The following RNF220 variants were observed in gnomAD, a reference collection of about 807,000 sequenced individuals.
The protein encoded by RNF220 is ring finger protein 220.
RNF220 carries 7 observed loss-of-function variants against 67.1 expected under a neutral mutation model. That is an observed-to-expected ratio of 0.10 (90% CI 0.06 to 0.20). The LOEUF (loss-of-function observed/expected upper bound fraction) is 0.20, where lower values mean the gene tolerates loss of function less well. Among genes scored for constraint, RNF220 ranks in the 10% least tolerant of loss-of-function variants. The pLI, the probability that RNF220 is intolerant of heterozygous loss-of-function variation, is 1.00. For synonymous variants in RNF220, 270 were observed against 283.2 expected (o/e 0.95, Z 0.47); for missense variants, 565 against 740.3 (o/e 0.76, Z 2.75).
At chr1:44,468,362 G>A (rs1185584607) in intron 2 of RNF220, among the ~76,000 whole-genome samples, 1 of 152,124 alleles carries the variant, frequency 6.6e-6, no homozygotes, top group Non-Finnish European at 1.5e-5. Context: ...ATATGGAAAG[G>A]TCTCTGATAT....
Sources: allele counts gnomAD v4.1 joint callset (sites outside exome capture counted in the v4.1 genomes callset), GRCh38; gene constraint gnomAD v4.1.1; transcripts MANE v1.5; gene names NCBI Gene and HGNC (gene_info 2026-07-23, HGNC 2026-07-21).